Variants in UVRAG observed in about 807,000 individuals in gnomAD.
The protein encoded by UVRAG is UV radiation resistance-associated gene protein.
Under a neutral mutation model 78.0 loss-of-function variants are expected in UVRAG, and 19 were observed. The ratio of observed to expected loss-of-function variants is 0.24; its 90% CI spans 0.17 to 0.36. The LOEUF (loss-of-function observed/expected upper bound fraction) is 0.36. Among genes scored for constraint, UVRAG ranks in the 10% least tolerant of loss-of-function variants. The pLI, the probability that UVRAG is intolerant of heterozygous loss-of-function variation, is 1.00. For missense variants in UVRAG, 740 were observed against 853.8 expected, an observed-to-expected ratio of 0.87 and a Z score of 1.66; for synonymous variants, 323 against 324.6, an observed-to-expected ratio of 1.00 and a Z score of 0.05.
intron 12 of UVRAG, among the ~76,000 whole-genome samples, chr11:76,063,525 AAG>A (rs1282188180): frequency 1.3e-5 from 2 of 152,198 alleles, no homozygotes; most frequent in Non-Finnish European, 2.9e-5. Flanking sequence ...TATTTATAGA[AAG>A]AGCTACAAGG....
chr11:75,853,804 G>T (rs1417408551), intron 2 of UVRAG, among the ~76,000 whole-genome samples: 1 of 151,560 alleles, frequency 6.6e-6, no homozygotes, highest in East Asian at 1.9e-4. Context: ...GCAGAGTCTC[G>T]CTCCGTTGCC....
At chr11:75,999,705 A>G (rs187657560) in intron 8 of UVRAG, among the ~76,000 whole-genome samples, 115 of 152,214 alleles carry the variant, frequency 7.6e-4, no homozygotes, top group African/African-American at 2.7e-3. Flanking sequence ...TATGCTCTAC[A>G]TGAAGTGGTA....
chr11:75,851,733 G>A, intron 1 of UVRAG, 150 bp from the exon 2 acceptor site: 2 of 643,296 alleles, frequency 3.1e-6, no homozygotes, highest in East Asian at 5.2e-5. Flanking sequence ...GGGATGCTGA[G>A]GCATAAATAA....
At position 76,063,943 on chromosome 11, in the gene UVRAG, A is replaced by G. The variant is rs115923811; in HGVS notation, c.1227-1767A>G. On this transcript the variant is annotated intron_variant, in intron 12 of 14. Coordinates refer to ENST00000356136, the MANE Select transcript of UVRAG (RefSeq NM_003369.4). ...GATGAATGCATGATAGTTATAAGCT[A>G]TTATACTATTCAACTTCAAGTGACC... is the stretch of plus-strand genomic sequence containing the variant. 4.1e-3 allele frequency among the ~76,000 whole-genome samples: 628 copies of G among 152,372 alleles called. 3 individuals carry two copies. The highest frequency in any genetic ancestry group is 0.014 in the African/African-American group (594 of 41,592).
At chr11:75,852,182 C>G (rs1412596523) in intron 2 of UVRAG, among the ~76,000 whole-genome samples, 182 bp downstream of exon 2, 1 of 152,142 alleles carries the variant, frequency 6.6e-6, no homozygotes, top group East Asian at 1.9e-4. Flanking sequence ...TTGGATAGTT[C>G]TTTCAGATAA....
At chr11:75,837,326 CAAAAAAAAAAA>C (rs753820781) in intron 1 of UVRAG, among the ~76,000 whole-genome samples, 3 of 64,464 alleles carry the variant, frequency 4.7e-5, no homozygotes, top group Non-Finnish European at 6.9e-5. Context: ...GACTCTGTCT[CAAAAAAAAAAA>C]AAAAAAAAAA....
intron 7 of UVRAG, among the ~76,000 whole-genome samples, chr11:75,974,394 C>G (rs1413089361): frequency 3.4e-5 from 4 of 119,262 alleles, no homozygotes; most frequent in Non-Finnish European, 4.8e-5. Context: ...GAGTCTCGCT[C>G]TGTCGCCCAG....
intron 5 of UVRAG, among the ~76,000 whole-genome samples, chr11:75,907,355 G>A (rs1176540972): frequency 6.6e-6 from 1 of 151,294 alleles, no homozygotes; most frequent in African/African-American, 2.4e-5. Flanking sequence ...TTTTGTAGAT[G>A]CCCTTTATCA....
At chr11:75,833,269 T>C (rs1426559958) in intron 1 of UVRAG, among the ~76,000 whole-genome samples, 1 of 152,148 alleles carries the variant, frequency 6.6e-6, no homozygotes, top group Non-Finnish European at 1.5e-5. Context: ...TAAACTAAGT[T>C]AGGCAATCTG....
At chr11:76,005,669 C>T (rs1003958958) in intron 9 of UVRAG, among the ~76,000 whole-genome samples, 3 of 152,228 alleles carry the variant, frequency 2.0e-5, no homozygotes, top group Admixed American at 1.3e-4. Context: ...CACAAGACTG[C>T]CTCACCACAT....
intron 3 of UVRAG, among the ~76,000 whole-genome samples, chr11:75,871,885 G>T (rs1946659899): frequency 6.6e-6 from 1 of 152,066 alleles, no homozygotes; most frequent in Admixed American, 6.6e-5. Flanking sequence ...CATTCTGGTG[G>T]GATTATGGTA....
intron 13 of UVRAG, among the ~76,000 whole-genome samples, chr11:76,066,102 A>G (rs1328638525): frequency 6.6e-6 from 1 of 152,120 alleles, no homozygotes; most frequent in Admixed American, 6.5e-5. Flanking sequence ...CAGCTTGACC[A>G]ATTGTAATTT....
At chr11:75,890,073 T>G (rs2134934195) in intron 5 of UVRAG, among the ~76,000 whole-genome samples, 1 of 152,154 alleles carries the variant, frequency 6.6e-6, no homozygotes, top group South Asian at 2.1e-4. Context: ...TTTTAGGGAC[T>G]AAAGGAAGGT....
rs1002344188 is a variant in UVRAG, at chr11:76,141,892, A to G, written c.*479A>G. On this transcript the variant is annotated 3_prime_UTR_variant, in exon 15 of 15. Transcript: ENST00000356136. ...TCTGTGGCCATCTGTGAGGTAGATGAAGAAGCAGCATAGTGGTCTCCTTAC... is the reference window on the plus strand; with the variant it reads ...TCTGTGGCCATCTGTGAGGTAGATGGAGAAGCAGCATAGTGGTCTCCTTAC... 6.0e-6 allele frequency: 1 copy of G among 166,174 alleles called. No homozygotes were observed. Among genetic ancestry groups the G allele is most frequent in the Non-Finnish European group, 1.3e-5 (1 of 76,446 alleles). 10.3% of individuals were successfully genotyped at this position (166,174 alleles called of 1,614,324 possible). A position where few individuals can be genotyped will look rare whatever the true frequency, so the allele number is the denominator to read the frequency against.
chr11:76,006,356 A>G (rs1949938315), intron 9 of UVRAG, among the ~76,000 whole-genome samples: 1 of 152,040 alleles, frequency 6.6e-6, no homozygotes, highest in South Asian at 2.1e-4. Context: ...ATGTTTCTTA[A>G]GTAGTGCAAG....
At chr11:76,106,587 C>T (rs951284705) in intron 13 of UVRAG, among the ~76,000 whole-genome samples, 1 of 152,168 alleles carries the variant, frequency 6.6e-6, no homozygotes, top group Admixed American at 6.5e-5. Flanking sequence ...AGGCTGGTCT[C>T]GAACTCCTGA....
rs549029578 is a variant in UVRAG, at chr11:76,014,591, A to G, written c.1061-2224A>G. Among the ~76,000 whole-genome samples, 19 of 152,334 alleles carry G rather than the reference A, an allele frequency of 1.2e-4. No individual in the cohort carries two copies. The East Asian group carries it at 2.9e-3, about 23-fold the overall frequency. ...ACGAGGCAGAATTCAGTCACCTGTG[A>G]AGAAACTCACAGTTACAGCTGTGAC... On this transcript the variant is annotated intron_variant, in intron 11 of 14. Coordinates refer to ENST00000356136, the MANE Select transcript of UVRAG (RefSeq NM_003369.4).
chr11:76,116,003 T>A lies in UVRAG; in HGVS notation c.1385T>A (p.Leu462Gln). ...CTGAAAAACTTCATGGAGCATGGAC[T>A]AATGGTCAGGTGGTGAGTACCTTTA... The part of the protein sequence containing the change: ...PNLKNFMEHG[L>Q]MVRCDRHHTS... Residue 462 changes from leucine to glutamine, a missense_variant, in exon 14 of 15, where the codon CTA (leucine) becomes CAA (glutamine). By Grantham distance (113) the Leu-to-Gln change is moderately radical. Coordinates refer to ENST00000356136, the MANE Select transcript of UVRAG (RefSeq NM_003369.4). 1.2e-6 allele frequency: 2 copies of A among 1,613,824 alleles called. No individual in the cohort carries two copies. The highest frequency in any genetic ancestry group is 1.7e-6 in the Non-Finnish European group (2 of 1,179,776).
intron 6 of UVRAG, among the ~76,000 whole-genome samples, chr11:75,952,156 A>G (rs1948714338): frequency 6.6e-6 from 1 of 152,162 alleles, no homozygotes; most frequent in African/African-American, 2.4e-5. Flanking sequence ...TGCCGAATTT[A>G]CTCATTAGTT....
Sources: gnomAD v4.1 joint callset for allele counts (sites outside exome capture counted in the v4.1 genomes callset) on GRCh38, gnomAD v4.1.1 for gene constraint, MANE v1.5 for transcripts, NCBI Gene and HGNC (gene_info 2026-07-23, HGNC 2026-07-21) for gene names.